Variants in MAP3K20 observed in about 807,000 individuals in gnomAD.
MAP3K20 encodes the protein HCCS-4.
A neutral mutation model predicts 85.7 loss-of-function variants in MAP3K20; 40 were observed. That is an observed-to-expected ratio of 0.47 (90% CI 0.36 to 0.61). The LOEUF (loss-of-function observed/expected upper bound fraction) is 0.61, where lower values mean the gene tolerates loss of function less well. MAP3K20 is among the 20% of genes least tolerant of loss of function. MAP3K20 has a pLI of 0.00. For synonymous variants in MAP3K20, 325 were observed against 327.7 expected (o/e 0.99, Z 0.09); for missense variants, 817 against 961.7 (o/e 0.85, Z 1.99).
chr2:173,179,851 T>C (rs917217304), intron 3 of MAP3K20, among the ~76,000 whole-genome samples: 1 of 151,798 alleles, frequency 6.6e-6, no homozygotes, highest in Non-Finnish European at 1.5e-5. Flanking sequence ...AAAAATTAAA[T>C]TAAGAAAGAA....
In MAP3K20 at chr2:173,204,913, C is replaced by G. The variant is rs538372827; in HGVS notation, c.744+1043C>G. On this transcript the variant is annotated intron_variant, in intron 9 of 19. Coordinates refer to ENST00000375213, the MANE Select transcript of MAP3K20 (RefSeq NM_016653.3). Reference sequence around the variant, plus strand: ...GGTCAGGAGATCGAGACCATCCTGGCTAACACAGTGAAACCCCACCTCTAC... The same window carrying G: ...GGTCAGGAGATCGAGACCATCCTGGGTAACACAGTGAAACCCCACCTCTAC... Among the ~76,000 whole-genome samples the G allele has an allele frequency of 3.2e-3, 490 of 152,080 alleles. 9 individuals are homozygous for G. The highest frequency in any genetic ancestry group is 0.029 in the Admixed American group (440 of 15,284).
intron 2 of MAP3K20, among the ~76,000 whole-genome samples, chr2:173,132,696 G>A (rs1267422339): frequency 1.3e-5 from 2 of 152,164 alleles, no homozygotes; most frequent in Non-Finnish European, 2.9e-5. Context: ...TAGTGACTAG[G>A]AGTGCAGGCT....
chr2:173,117,509 G>A (rs1688158882), intron 2 of MAP3K20, among the ~76,000 whole-genome samples: 1 of 152,036 alleles, frequency 6.6e-6, no homozygotes, highest in Non-Finnish European at 1.5e-5. Flanking sequence ...CGAACTCCTG[G>A]GCTCGACTGA....
intron 1 of MAP3K20, 68 bp downstream of exon 1, chr2:173,076,070 C>T (rs1686845082): frequency 2.1e-6 from 2 of 961,430 alleles, no homozygotes; most frequent in Admixed American, 6.2e-5. Flanking sequence ...GCTCGCGAGT[C>T]GTCCCTGCGT....
chr2:173,204,795 C>T (rs1488606094), intron 9 of MAP3K20, among the ~76,000 whole-genome samples: 1 of 151,988 alleles, frequency 6.6e-6, no homozygotes, highest in Non-Finnish European at 1.5e-5. Flanking sequence ...TTGGAATTTT[C>T]CATAATGAGT....
intron 16 of MAP3K20, among the ~76,000 whole-genome samples, chr2:173,242,261 C>G (rs1684805215): frequency 6.6e-6 from 1 of 151,650 alleles, no homozygotes; most frequent in South Asian, 2.1e-4. Flanking sequence ...CTGCAACCTC[C>G]GACTCCCTGG....
intron 2 of MAP3K20, among the ~76,000 whole-genome samples, chr2:173,122,156 T>C (rs1688314027): frequency 6.6e-6 from 1 of 152,268 alleles, no homozygotes; most frequent in Non-Finnish European, 1.5e-5. Context: ...TAAACTCTTA[T>C]TTCTGGCCAT....
intron 14 of MAP3K20, among the ~76,000 whole-genome samples, chr2:173,237,375 A>G (rs537264897): frequency 1.2e-4 from 19 of 152,148 alleles, no homozygotes; most frequent in African/African-American, 4.6e-4. Context: ...AAGCCTGACC[A>G]TGGCTCCCTT....
At chr2:173,098,631 C>T (rs1036047297) in intron 2 of MAP3K20, among the ~76,000 whole-genome samples, 14 of 152,190 alleles carry the variant, frequency 9.2e-5, no homozygotes, top group African/African-American at 3.1e-4. Context: ...AAAAGATACT[C>T]AACCCGTACT....
At position 173,192,120 on chromosome 2, in the gene MAP3K20, C is replaced by T. The variant is rs535376913; in HGVS notation, c.582+943C>T. The stretch of plus-strand genomic sequence containing the variant: ...TGCCCTGCTGTTTATACTATTACTT[C>T]CTAAAAGGGCATTTTCATAGTAATG... On this transcript the variant is annotated intron_variant, in intron 7 of 19. Coordinates refer to ENST00000375213, the MANE Select transcript of MAP3K20 (RefSeq NM_016653.3). Among the ~76,000 whole-genome samples the T allele has an allele frequency of 2.6e-5, 4 of 152,188 alleles. No individual in the cohort carries two copies. In the East Asian group the frequency reaches 7.7e-4, roughly 29 times the overall value.
chr2:173,105,784 A>G (rs1687768874), intron 2 of MAP3K20, among the ~76,000 whole-genome samples: 1 of 152,184 alleles, frequency 6.6e-6, no homozygotes, highest in South Asian at 2.1e-4. Context: ...ATTGTTTGAT[A>G]GGTATAGAAT....
intron 1 of MAP3K20, among the ~76,000 whole-genome samples, chr2:173,077,347 C>A (rs1686892646): frequency 7.2e-6 from 1 of 138,652 alleles, no homozygotes; most frequent in African/African-American, 2.7e-5. Context: ...GGCCTATCTC[C>A]ACAGTGAAAT....
At chr2:173,207,430 T>C (rs1365458813) in intron 9 of MAP3K20, 1 of 152,262 alleles carries the variant, frequency 6.6e-6, no homozygotes. Context: ...AGGCAGAGGT[T>C]GCACTGAGCC....
At chr2:173,146,309 A>G (rs1689135924) in intron 2 of MAP3K20, among the ~76,000 whole-genome samples, 1 of 152,146 alleles carries the variant, frequency 6.6e-6, no homozygotes, top group African/African-American at 2.4e-5. Flanking sequence ...GCGCCAATCA[A>G]TAACCAAATG....
chr2:173,252,665 C>T (rs114635747), intron 16 of MAP3K20, among the ~76,000 whole-genome samples: 112 of 152,354 alleles, frequency 7.4e-4, no homozygotes, highest in Non-Finnish European at 1.2e-3. Context: ...TGCCCACCTC[C>T]GCTCCTGGGC....
At chr2:173,093,615 T>C (rs1559227794) in intron 2 of MAP3K20, among the ~76,000 whole-genome samples, 1 of 152,214 alleles carries the variant, frequency 6.6e-6, no homozygotes, top group Non-Finnish European at 1.5e-5. Flanking sequence ...TCTGTAGTTC[T>C]TTAAAACTTT....
chr2:173,196,808 T>G (rs956019292), intron 7 of MAP3K20, among the ~76,000 whole-genome samples: 5 of 152,168 alleles, frequency 3.3e-5, no homozygotes, highest in Non-Finnish European at 7.4e-5. Flanking sequence ...CAGGGCGCCA[T>G]ACCTAAGACA....
intron 2 of MAP3K20, among the ~76,000 whole-genome samples, chr2:173,109,274 C>T (rs537308367): frequency 3.8e-4 from 58 of 152,242 alleles, no homozygotes; most frequent in African/African-American, 1.3e-3. Flanking sequence ...CTTTAGTATT[C>T]TGTAAGAATA....
intron 2 of MAP3K20, among the ~76,000 whole-genome samples, chr2:173,113,300 C>T (rs572580576): frequency 6.6e-6 from 1 of 152,118 alleles, no homozygotes; most frequent in South Asian, 2.1e-4. Flanking sequence ...CTTGGTTAAT[C>T]TTGCCAATGG....
Sources: allele counts gnomAD v4.1 joint callset (sites outside exome capture counted in the v4.1 genomes callset), GRCh38; gene constraint gnomAD v4.1.1; transcripts MANE v1.5; gene names NCBI Gene and HGNC (gene_info 2026-07-23, HGNC 2026-07-21).